The following CPPED1 variants were observed in gnomAD, a reference collection of about 807,000 sequenced individuals.
CPPED1 encodes serine/threonine-protein phosphatase CPPED1.
Under a neutral mutation model 28.0 loss-of-function variants are expected in CPPED1, and 28 were observed. The observed-to-expected ratio is 1.00, with a 90% CI of 0.74 to 1.37. The LOEUF (loss-of-function observed/expected upper bound fraction) is 1.37, where lower values mean the gene tolerates loss of function less well. Ranked by LOEUF, CPPED1 falls within the 40% of genes most tolerant of loss-of-function variation. The pLI is 0.00. For synonymous variants in CPPED1, 198 were observed against 180.2 expected (o/e 1.10, Z -0.79); for missense variants, 504 against 416.5 (o/e 1.21, Z -1.83).
chr16:12,717,543 C>T (rs759549984), intron 2 of CPPED1, among the ~76,000 whole-genome samples: 2 of 152,128 alleles, frequency 1.3e-5, no homozygotes, highest in Non-Finnish European at 2.9e-5. Context: ...GGATTACAGG[C>T]GTGAGCCACC....
chr16:12,692,246 C>G (rs2079967542), intron 3 of CPPED1, among the ~76,000 whole-genome samples: 1 of 152,130 alleles, frequency 6.6e-6, no homozygotes, highest in African/African-American at 2.4e-5. Flanking sequence ...ACAGAGCCAT[C>G]TCAGAGACAG....
chr16:12,706,746 G>A (rs546940993), intron 2 of CPPED1, among the ~76,000 whole-genome samples: 1 of 152,134 alleles, frequency 6.6e-6, no homozygotes, highest in South Asian at 2.1e-4. Context: ...CTGGAAGAGA[G>A]GACTCTCGGT....
chr16:12,762,195 G>A (rs2080413836), intron 2 of CPPED1, among the ~76,000 whole-genome samples: 1 of 152,076 alleles, frequency 6.6e-6, no homozygotes. Context: ...TAGTCCCCTG[G>A]GACTTAAATT....
chr16:12,770,860 GAAGGAAAGGA>G (rs371173782), intron 2 of CPPED1, among the ~76,000 whole-genome samples: 14 of 93,932 alleles, frequency 1.5e-4, no homozygotes, highest in Middle Eastern at 8.5e-3. Flanking sequence ...GAAAGGGAGA[GAAGGAAAGGA>G]AAGGAAAGGA....
At chr16:12,728,474 T>C (rs553406954) in intron 2 of CPPED1, among the ~76,000 whole-genome samples, 22 of 150,122 alleles carry the variant, frequency 1.5e-4, no homozygotes, top group South Asian at 1.1e-3. Context: ...CCGAGAAAGA[T>C]TGAGAGGAGC....
At chr16:12,783,899 A>C (rs1157630285) in intron 1 of CPPED1, among the ~76,000 whole-genome samples, 3 of 152,218 alleles carry the variant, frequency 2.0e-5, no homozygotes, top group Non-Finnish European at 4.4e-5. Flanking sequence ...AAAGACAGCA[A>C]TATGGCACAT....
chr16:12,701,575 C>T (rs2080020938), intron 3 of CPPED1, among the ~76,000 whole-genome samples: 1 of 152,038 alleles, frequency 6.6e-6, no homozygotes, highest in South Asian at 2.1e-4. Flanking sequence ...GCAGGTGAAC[C>T]AGAAGAGGCT....
intron 2 of CPPED1, among the ~76,000 whole-genome samples, chr16:12,723,748 A>C (rs1477080789): frequency 2.0e-5 from 3 of 152,148 alleles, no homozygotes; most frequent in African/African-American, 7.2e-5. Flanking sequence ...TCTTACCTGA[A>C]GCCTCCTGAT....
intron 3 of CPPED1, among the ~76,000 whole-genome samples, chr16:12,690,816 T>C (rs1466131433): frequency 6.6e-6 from 1 of 152,172 alleles, no homozygotes; most frequent in East Asian, 1.9e-4. Context: ...ACCCCTGTAT[T>C]CCACACCAAG....
In CPPED1 at chr16:12,803,695, G is replaced by A. The variant is rs2080675195; in HGVS notation, c.70+12C>T. The A allele has an allele frequency of 1.3e-6, 2 of 1,553,240 alleles. No individual in the cohort carries two copies. The highest frequency in any genetic ancestry group is 5.1e-5 in the East Asian group (2 of 39,044). ...CCCAGAGTCCCCTCCCCGGGTGAGG[G>A]GCGGGCAGTACCTGCGGGAAACGCG... On this transcript the variant is annotated intron_variant, in intron 1 of 3. Coordinates refer to ENST00000381774, the MANE Select transcript of CPPED1 (RefSeq NM_018340.3).
chr16:12,754,319 G>C (rs1056975183), intron 2 of CPPED1, among the ~76,000 whole-genome samples: 7 of 152,174 alleles, frequency 4.6e-5, no homozygotes, highest in African/African-American at 1.7e-4. Context: ...CTTAGTTCAA[G>C]GCAACTTTAT....
intron 2 of CPPED1, among the ~76,000 whole-genome samples, chr16:12,780,443 T>A (rs2080523387): frequency 6.6e-6 from 1 of 152,132 alleles, no homozygotes; most frequent in South Asian, 2.1e-4. Context: ...CCCAAAGTGC[T>A]GGGATTACAG....
intron 1 of CPPED1, among the ~76,000 whole-genome samples, chr16:12,799,713 A>T (rs2080647826): frequency 6.6e-6 from 1 of 152,234 alleles, no homozygotes; most frequent in Non-Finnish European, 1.5e-5. Flanking sequence ...CAATGGAAGC[A>T]GCAATGGTAG....
At chr16:12,741,759 C>G (rs1180444993) in intron 2 of CPPED1, among the ~76,000 whole-genome samples, 8 of 152,156 alleles carry the variant, frequency 5.3e-5, no homozygotes. Context: ...ATTTAAAACA[C>G]TGCAAAACTG....
intron 2 of CPPED1, among the ~76,000 whole-genome samples, chr16:12,767,365 A>G (rs1341123461): frequency 1.3e-5 from 2 of 152,122 alleles, no homozygotes; most frequent in Non-Finnish European, 2.9e-5. Context: ...ATGCCTGCCC[A>G]AAATAGTGAA....
intron 2 of CPPED1, among the ~76,000 whole-genome samples, chr16:12,748,110 A>G (rs1335958304): frequency 2.0e-5 from 3 of 152,220 alleles, no homozygotes; most frequent in Non-Finnish European, 4.4e-5. Flanking sequence ...GGAATGCTGA[A>G]GTGATTATTC....
chr16:12,756,685 C>G lies in CPPED1; in HGVS notation c.289+24500G>C, dbSNP rs577486625. ...TACCACTGCACCCCAGCCTGGGCAA[C>G]AGAGCAAGACTCTGTCTAAAAAATT... On this transcript the variant is annotated intron_variant, in intron 2 of 3. Coordinates refer to ENST00000381774, the MANE Select transcript of CPPED1 (RefSeq NM_018340.3). Among the ~76,000 whole-genome samples, 22 of 152,180 alleles carry G rather than the reference C, an allele frequency of 1.4e-4. No homozygotes were observed. The East Asian group carries it at 4.1e-3, about 28-fold the overall frequency.
At chr16:12,794,145 T>G (rs1017069135) in intron 1 of CPPED1, among the ~76,000 whole-genome samples, 1 of 152,046 alleles carries the variant, frequency 6.6e-6, no homozygotes. Flanking sequence ...GCTGCCAGAA[T>G]GGTATGCAGC....
At position 12,710,761 on chromosome 16, in the gene CPPED1, G is replaced by T. The variant is rs1050193851; in HGVS notation, c.290-5712C>A. Among the ~76,000 whole-genome samples, 3 of 152,108 alleles carry T rather than the reference G, an allele frequency of 2.0e-5. No individual in the cohort carries two copies. The East Asian group carries it at 5.8e-4, about 29-fold the overall frequency. ...GTGCCCAACACGACTACTTATTAAAGAAATGCAAATCAAAACCACAATGAG... is the reference window on the plus strand; with the variant it reads ...GTGCCCAACACGACTACTTATTAAATAAATGCAAATCAAAACCACAATGAG... On this transcript the variant is annotated intron_variant, in intron 2 of 3. Coordinates refer to ENST00000381774, the MANE Select transcript of CPPED1 (RefSeq NM_018340.3).
Sources: allele counts gnomAD v4.1 joint callset (sites outside exome capture counted in the v4.1 genomes callset), GRCh38; gene constraint gnomAD v4.1.1; transcripts MANE v1.5; gene names NCBI Gene and HGNC (gene_info 2026-07-23, HGNC 2026-07-21).